Variants in FAN1 observed in about 807,000 individuals in gnomAD.
FAN1 encodes FANCD2 and FANCI associated nuclease 1, also known as fanconi-associated nuclease 1.
In FAN1, 91 loss-of-function variants were observed where a neutral mutation model predicts 104.9. The observed-to-expected ratio is 0.87, with a 90% confidence interval of 0.73 to 1.03. The LOEUF (loss-of-function observed/expected upper bound fraction) is 1.03. FAN1 is among the 50% of genes least tolerant of loss of function. The pLI is 0.00. For missense variants in FAN1, 1,263 were observed against 1,239.9 expected, an observed-to-expected ratio of 1.02 and a Z score of -0.28; for synonymous variants, 478 against 457.6, an observed-to-expected ratio of 1.04 and a Z score of -0.57.
chr15:30,926,774 G>C, intron 10 of FAN1: 1 of 985,362 alleles, frequency 1.0e-6, no homozygotes, highest in Non-Finnish European at 1.2e-6. Flanking sequence ...ACGTGGGAGC[G>C]CTGAAATGCT....
rs1413358557 is a variant in FAN1 at position 30,942,959 on chromosome 15, G to A, written c.*1397G>A. On this transcript the variant is annotated 3_prime_UTR_variant, in exon 15 of 15. Transcript: ENST00000362065. ...GTGTGCTCTTTCCAATGTAGAAGGG[G>A]TTATGGAAAAGGGTGCGATCCTTTG... 1 of 1,561,512 alleles carries A rather than the reference G, an allele frequency of 6.4e-7. No homozygotes were observed. The highest frequency in any genetic ancestry group is 2.3e-5 in the East Asian group (1 of 42,596).
intron 7 of FAN1, 81 bp from the exon 8 acceptor site, chr15:30,922,154 C>G (rs1377360675): frequency 6.7e-7 from 1 of 1,498,966 alleles, no homozygotes; most frequent in African/African-American, 1.4e-5. Flanking sequence ...ATAGGCTTTA[C>G]CAATCCTATG....
At chr15:30,909,665 C>T (rs1330530434) in intron 3 of FAN1, among the ~76,000 whole-genome samples, 1 of 152,324 alleles carries the variant, frequency 6.6e-6, no homozygotes, top group East Asian at 1.9e-4. Context: ...CTCTGGCTGT[C>T]CCTCTCGCTT....
intron 4 of FAN1, among the ~76,000 whole-genome samples, chr15:30,912,146 A>C (rs560802307): frequency 6.6e-6 from 1 of 152,196 alleles, no homozygotes; most frequent in African/African-American, 2.4e-5. Flanking sequence ...AACATATTTT[A>C]TCTCTAACTT....
intron 1 of FAN1, 113 bp downstream of exon 1, chr15:30,904,124 G>A (rs1465879743): frequency 1.3e-5 from 2 of 152,244 alleles, no homozygotes; most frequent in African/African-American, 4.8e-5. Flanking sequence ...GCAGCTGCCC[G>A]CGGCTGGGGC....
chr15:30,928,445 C>T, intron 10 of FAN1, 108 bp from the exon 11 acceptor site: 2 of 1,512,840 alleles, frequency 1.3e-6, no homozygotes, highest in Non-Finnish European at 1.8e-6. Context: ...CTATTATTTT[C>T]TTGAAATTGA....
intron 12 of FAN1, among the ~76,000 whole-genome samples, chr15:30,930,040 T>G (rs559959490): frequency 7.2e-6 from 1 of 139,396 alleles, no homozygotes; most frequent in East Asian, 2.0e-4. Flanking sequence ...TATATTAATA[T>G]TATATAAATT....
At chr15:30,939,410 T>C (rs977699878) in intron 14 of FAN1, 2 of 985,476 alleles carry the variant, frequency 2.0e-6, no homozygotes, top group Non-Finnish European at 2.4e-6. Context: ...CACATGTCCC[T>C]CTGACGGCAG....
rs767718186 is a variant in FAN1, at chr15:30,937,144, A to G, written c.2942A>G (p.Asp981Gly). Residue 981 changes from aspartate (D) to glycine (G), a missense_variant, in exon 14 of 15, where the codon GAT becomes GGT. Transcript: ENST00000362065. ...FKLVEVKGPN[D>G]RLSHKQMIWL... ...CTGGTGGAAGTTAAAGGCCCCAATG[A>G]TCGTCTTTCACATAAGCAGATGATC... 1 of 1,613,534 alleles carries G rather than the reference A, an allele frequency of 6.2e-7. No homozygotes were observed. Among genetic ancestry groups the G allele is most frequent in the Non-Finnish European group, 8.5e-7 (1 of 1,179,842 alleles).
At chr15:30,933,596 G>C (rs191168772) in intron 13 of FAN1, among the ~76,000 whole-genome samples, 58 of 152,310 alleles carry the variant, frequency 3.8e-4, no homozygotes, top group African/African-American at 1.3e-3. Context: ...TGTGTGTTTA[G>C]CATTTGTTGT....
chr15:30,937,321 TTTTA>T, intron 14 of FAN1, 62 bp downstream of exon 14: 13 of 1,477,888 alleles, frequency 8.8e-6, no homozygotes, highest in Non-Finnish European at 1.1e-5. Context: ...ATAAAACATG[TTTTA>T]TTTAATTTTG....
Position 30,922,319 on chromosome 15 carries a change from C to A in FAN1, c.2137C>A (p.Leu713Ile), listed in dbSNP as rs1476166388. 7 of 1,613,800 alleles carry A rather than the reference C, an allele frequency of 4.3e-6. No homozygotes were observed. The highest frequency in any genetic ancestry group is 5.9e-6 in the Non-Finnish European group (7 of 1,179,978). Residue 713 changes from leucine (L) to isoleucine (I), a missense_variant, in exon 8 of 15, where the codon CTT becomes ATT. Transcript: ENST00000362065. ...SRGRWWDRLA[L>I]NLHQHLKRLE... The stretch of plus-strand genomic sequence containing the variant: ...AGGCCGATGGTGGGATCGACTGGCC[C>A]TTAATTTACACCAGCACTTGAAGCG...
At chr15:30,912,394 C>T (rs994924946) in intron 4 of FAN1, among the ~76,000 whole-genome samples, 3 of 152,208 alleles carry the variant, frequency 2.0e-5, no homozygotes, top group African/African-American at 7.2e-5. Flanking sequence ...TTTCTTAATC[C>T]TTGCAGGAGT....
intron 7 of FAN1, among the ~76,000 whole-genome samples, chr15:30,921,259 C>A (rs151234270): frequency 4.0e-4 from 61 of 152,228 alleles, no homozygotes; most frequent in South Asian, 3.9e-3. Flanking sequence ...GAGGGTGCCC[C>A]ACAGGTCTGC....
chr15:30,925,007 T>G (rs1469017852), intron 8 of FAN1, 120 bp from the exon 9 acceptor site: 3 of 1,013,276 alleles, frequency 3.0e-6, no homozygotes, highest in Admixed American at 2.5e-5. Context: ...AAGTGCTGTT[T>G]GCTCATTTGC....
intron 13 of FAN1, among the ~76,000 whole-genome samples, chr15:30,933,924 C>G (rs2062783741): frequency 6.6e-6 from 1 of 152,066 alleles, no homozygotes; most frequent in Admixed American, 6.6e-5. Flanking sequence ...TCATGCCCAG[C>G]TGATTTTTTT....
At chr15:30,929,873 AATATATAATATATATC>A (rs1203671489) in intron 12 of FAN1, among the ~76,000 whole-genome samples, 4 of 93,458 alleles carry the variant, frequency 4.3e-5, no homozygotes, top group Non-Finnish European at 1.9e-5. Flanking sequence ...ATATATATAA[AATATATAATATATATC>A]ATATATAATA....
At chr15:30,939,686 A>G (rs2062973835) in intron 14 of FAN1, 1 of 959,500 alleles carries the variant, frequency 1.0e-6, no homozygotes, top group African/African-American at 1.8e-5. Flanking sequence ...AAAATTACAG[A>G]GGGAAAAATG....
In FAN1 at chr15:30,904,775, C is replaced by G; in HGVS notation, c.112C>G (p.Pro38Ala). 2 of 1,613,602 alleles carry G rather than the reference C, an allele frequency of 1.2e-6. No individual in the cohort carries two copies. Among genetic ancestry groups the G allele is most frequent in the African/African-American group, 2.7e-5 (2 of 75,022 alleles). Residue 38 changes from proline (P) to alanine (A), a missense_variant, in exon 2 of 15, where the codon CCA becomes GCA. Around this residue, in one of 2 missense-constraint regions of FAN1, gnomAD observed 682 missense variants for 571.1 expected, o/e 1.19. Coordinates refer to ENST00000362065, the MANE Select transcript of FAN1 (RefSeq NM_014967.5). ...TATTATTTCGTGTTTTAACAATGCA[C>G]CACCTGCTAAACTTGCCTGCCCCGT... Reference protein sequence around the residue: ...NSIISCFNNAPPAKLACPVCS... With the variant: ...NSIISCFNNAAPAKLACPVCS...
Sources: gnomAD v4.1 joint callset for allele counts (sites outside exome capture counted in the v4.1 genomes callset) on GRCh38, gnomAD v4.1.1 for gene constraint, gnomAD v4.1.1 regional missense constraint, MANE v1.5 for transcripts, NCBI Gene and HGNC (gene_info 2026-07-23, HGNC 2026-07-21) for gene names.